The following ASH2L variants were observed in gnomAD, a reference collection of about 807,000 sequenced individuals.
The protein encoded by ASH2L is set1/Ash2 histone methyltransferase complex subunit ASH2.
In ASH2L, 30 loss-of-function variants were observed where a neutral mutation model predicts 81.1. The ratio of observed to expected loss-of-function variants is 0.37; its 90% CI spans 0.28 to 0.50. ASH2L has a LOEUF of 0.50. Among genes scored for constraint, ASH2L ranks in the 20% least tolerant of loss-of-function variants. ASH2L has a pLI of 0.95. For missense variants in ASH2L, 559 were observed against 792.1 expected (o/e 0.71, Z 3.53); for synonymous variants, 273 against 279.9 (o/e 0.98, Z 0.24).
chr8:38,112,604 T>C (rs1374739162), intron 5 of ASH2L, among the ~76,000 whole-genome samples: 3 of 152,266 alleles, frequency 2.0e-5, no homozygotes, highest in Non-Finnish European at 4.4e-5. Flanking sequence ...ATAAGTATTG[T>C]GTGTTTTTTA....
intron 12 of ASH2L, among the ~76,000 whole-genome samples, chr8:38,130,288 G>GTT (rs562730116): frequency 2.0e-4 from 11 of 53,744 alleles, no homozygotes; most frequent in South Asian, 1.6e-3. Context: ...GGTATTTTTT[G>GTT]TTTTTTTTTT....
intron 13 of ASH2L, 99 bp from the exon 14 acceptor site, chr8:38,135,569 C>A: frequency 1.3e-6 from 1 of 763,070 alleles, no homozygotes; most frequent in Non-Finnish European, 2.2e-6. Flanking sequence ...GAGTGACTAG[C>A]AGTCTGGCAG....
chr8:38,135,139 C>T (rs867007593), intron 13 of ASH2L, among the ~76,000 whole-genome samples: 118 of 152,308 alleles, frequency 7.7e-4, no homozygotes, highest in African/African-American at 2.6e-3. Context: ...AATCCTCTCT[C>T]CTCGGCCTCC....
At chr8:38,113,824 A>T (rs981135807) in intron 5 of ASH2L, among the ~76,000 whole-genome samples, 1 of 152,238 alleles carries the variant, frequency 6.6e-6, no homozygotes, top group African/African-American at 2.4e-5. Context: ...TCCCTTTAGG[A>T]TGTCCAGATA....
At chr8:38,108,934 T>G (rs1479527098) in intron 3 of ASH2L, among the ~76,000 whole-genome samples, 1 of 152,026 alleles carries the variant, frequency 6.6e-6, no homozygotes, top group East Asian at 1.9e-4. Context: ...AGAAAAAAAT[T>G]AGCTGGGCGT....
rs561048078 is a variant in ASH2L at position 38,124,942 on chromosome 8, C to T, written c.1166-3349C>T. On this transcript the variant is annotated intron_variant, in intron 10 of 15. Transcript: ENST00000343823. Reference sequence around the variant, plus strand: ...TGTCCAGTCATGGTAGAAGGCAAAGCGGAGCAGGCGTTAGATGGCAAGAGA... The same window carrying T: ...TGTCCAGTCATGGTAGAAGGCAAAGTGGAGCAGGCGTTAGATGGCAAGAGA... Among the ~76,000 whole-genome samples, 10 of 152,254 alleles carry T rather than the reference C, an allele frequency of 6.6e-5. No individual in the cohort carries two copies. In the East Asian group the frequency reaches 1.7e-3, roughly 26 times the overall value.
chr8:38,107,196 T>C, intron 3 of ASH2L, 30 bp downstream of exon 3: 1 of 1,610,746 alleles, frequency 6.2e-7, no homozygotes, highest in South Asian at 1.1e-5. Flanking sequence ...TTTGTGAGAA[T>C]TGCTCGGTAA....
At chr8:38,106,995 T>G (rs775520503) in intron 2 of ASH2L, 26 bp from the exon 3 acceptor site, 4 of 1,612,672 alleles carry the variant, frequency 2.5e-6, no homozygotes, top group Non-Finnish European at 3.4e-6. Context: ...GTCAACTGAT[T>G]TGAGTCTCGA....
chr8:38,118,475 T>A (rs1358135140), intron 8 of ASH2L, among the ~76,000 whole-genome samples: 1 of 152,218 alleles, frequency 6.6e-6, no homozygotes, highest in Admixed American at 6.5e-5. Flanking sequence ...GTAGCTAAAT[T>A]TTTTGTATAA....
chr8:38,106,190 G>C, intron 1 of ASH2L, 188 bp from the exon 2 acceptor site: 2 of 1,500,402 alleles, frequency 1.3e-6, no homozygotes, highest in South Asian at 1.2e-5. Context: ...CCGTGGGTCC[G>C]CGACTGTCTG....
intron 10 of ASH2L, among the ~76,000 whole-genome samples, chr8:38,126,582 C>T (rs1309892224): frequency 1.3e-5 from 2 of 151,986 alleles, no homozygotes; most frequent in African/African-American, 2.4e-5. Flanking sequence ...TGGCCGGGCG[C>T]GGTGGCTCAC....
At chr8:38,130,984 T>C (rs1238662571) in intron 12 of ASH2L, among the ~76,000 whole-genome samples, 2 of 152,256 alleles carry the variant, frequency 1.3e-5, no homozygotes, top group Non-Finnish European at 2.9e-5. Context: ...ATTTCTTTGA[T>C]GCCTTTATTG....
rs2300074 is a variant in ASH2L at position 38,132,651 on chromosome 8, T to C, written c.1528-803T>C. ...CCGTCTTTACTAAAAATACAAAAAGTAACCGGGTGTGGTGGCACATGCCTG... is the reference window on the plus strand; with the variant it reads ...CCGTCTTTACTAAAAATACAAAAAGCAACCGGGTGTGGTGGCACATGCCTG... On this transcript the variant is annotated intron_variant, in intron 12 of 15. Coordinates refer to ENST00000343823, the MANE Select transcript of ASH2L (RefSeq NM_004674.5). Among the ~76,000 whole-genome samples, 660 of 150,354 alleles carry C rather than the reference T, an allele frequency of 4.4e-3. 5 individuals carry two copies. The highest frequency in any genetic ancestry group is 0.02 in the East Asian group (104 of 5,104).
Position 38,139,637 on chromosome 8 carries a change from G to A in ASH2L, c.*566G>A, listed in dbSNP as rs1162133939. 1 of 152,364 alleles carries A rather than the reference G, an allele frequency of 6.6e-6. No individual in the cohort carries two copies. The highest frequency in any genetic ancestry group is 2.4e-5 in the African/African-American group (1 of 41,446). 9.4% of individuals were successfully genotyped at this position (152,364 alleles called of 1,614,324 possible). A position where few individuals can be genotyped will look rare whatever the true frequency, so the allele number is the denominator to read the frequency against. ...ACTAGATCTCTGGAAGTGTAATTGT[G>A]AAAGAAACTTGCTTGCAGCTTTAAC... On this transcript the variant is annotated 3_prime_UTR_variant, in exon 16 of 16. Coordinates refer to ENST00000343823, the MANE Select transcript of ASH2L (RefSeq NM_004674.5).
chr8:38,106,280 G>A, intron 1 of ASH2L, 98 bp from the exon 2 acceptor site: 1 of 1,397,798 alleles, frequency 7.2e-7, no homozygotes, highest in South Asian at 1.2e-5. Context: ...AGCTGCAGGA[G>A]TATGAAGTTC....
chr8:38,131,505 A>G (rs80204469), intron 12 of ASH2L, among the ~76,000 whole-genome samples: 9,112 of 152,172 alleles, frequency 0.06, 597 homozygotes, highest in East Asian at 0.24. Flanking sequence ...AATTAGTTGG[A>G]TGTGATGGCA....
chr8:38,118,561 A>G (rs1811002710), intron 8 of ASH2L, among the ~76,000 whole-genome samples: 1 of 152,240 alleles, frequency 6.6e-6, no homozygotes, highest in Non-Finnish European at 1.5e-5. Context: ...ATTTTAGTGC[A>G]TTGGCACAAT....
intron 3 of ASH2L, among the ~76,000 whole-genome samples, chr8:38,108,594 C>T (rs1040742699): frequency 2.0e-5 from 3 of 150,218 alleles, no homozygotes; most frequent in Non-Finnish European, 3.0e-5. Context: ...CCAAGGCAGG[C>T]TGATCACGAG....
chr8:38,121,548 G>C (rs1304223590), intron 10 of ASH2L, among the ~76,000 whole-genome samples: 1 of 151,754 alleles, frequency 6.6e-6, no homozygotes, highest in Non-Finnish European at 1.5e-5. Context: ...CACAACTAGA[G>C]AAAGACCTTT....
Sources: gnomAD v4.1 joint callset for allele counts (sites outside exome capture counted in the v4.1 genomes callset) on GRCh38, gnomAD v4.1.1 for gene constraint, MANE v1.5 for transcripts, NCBI Gene and HGNC (gene_info 2026-07-23, HGNC 2026-07-21) for gene names.